CYTH4: variants seen among roughly 807,000 people sequenced by gnomAD.
CYTH4 encodes the protein cytohesin-4.
In CYTH4, 22 loss-of-function variants were observed where a neutral mutation model predicts 57.5. That is an observed-to-expected ratio of 0.38 (90% CI 0.27 to 0.55). The LOEUF is 0.55. Among genes scored for constraint, CYTH4 ranks in the 20% least tolerant of loss-of-function variants. CYTH4 has a pLI of 0.74. For synonymous variants in CYTH4, 186 were observed against 206.5 expected, an observed-to-expected ratio of 0.90 and a Z score of 0.85; for missense variants, 420 against 535.6, an observed-to-expected ratio of 0.78 and a Z score of 2.13.
intron 1 of CYTH4, among the ~76,000 whole-genome samples, chr22:37,291,529 C>T (rs1928747203): frequency 6.6e-6 from 1 of 152,216 alleles, no homozygotes; most frequent in African/African-American, 2.4e-5. Context: ...TCCCAGAGTA[C>T]AGGAGCGGCC....
Position 37,312,166 on chromosome 22 carries a change from G to T in CYTH4, c.1104G>T (p.Glu368Asp). 1.2e-6 allele frequency: 2 copies of T among 1,614,142 alleles called. No individual in the cohort carries two copies. Among genetic ancestry groups the T allele is most frequent in the Non-Finnish European group, 1.7e-6 (2 of 1,179,940 alleles). The change falls in exon 12 of 13, where the codon GAG becomes GAT. Residue 368 changes from glutamate (E) to aspartate (D), a missense_variant. Physicochemically the swap from Glu to Asp is conservative, Grantham distance 45. Transcript: ENST00000248901. ...TSAEERDQWI[E>D]SIRASITRVP... ...CCGAGGAACGTGACCAGTGGATCGA[G>T]TCCATCCGGTAAGGGGTGCCCAGGT... is the stretch of plus-strand genomic sequence containing the variant.
At chr22:37,305,976 A>G (rs562638687) in intron 8 of CYTH4, among the ~76,000 whole-genome samples, 127 of 152,346 alleles carry the variant, frequency 8.3e-4, no homozygotes, top group African/African-American at 2.8e-3. Context: ...GGGTGAAGGC[A>G]CAGTGAGTTC....
At chr22:37,302,911 G>A (rs1195876983) in intron 7 of CYTH4, among the ~76,000 whole-genome samples, 1 of 152,096 alleles carries the variant, frequency 6.6e-6, no homozygotes, top group Non-Finnish European at 1.5e-5. Flanking sequence ...GTGGGCAGGG[G>A]GCTGGAAGGG....
intron 2 of CYTH4, among the ~76,000 whole-genome samples, chr22:37,293,510 A>G (rs1928826053): frequency 6.6e-6 from 1 of 152,194 alleles, no homozygotes; most frequent in Admixed American, 6.5e-5. Flanking sequence ...CTCAGTTAAT[A>G]CTTGCAAATG....
At position 37,292,604 on chromosome 22, in the gene CYTH4, C is replaced by T. The variant is rs1471946623; in HGVS notation, c.20-17C>T. On this transcript the variant is annotated splice_polypyrimidine_tract_variant and intron_variant, in intron 1 of 12. Coordinates refer to ENST00000248901, the MANE Select transcript of CYTH4 (RefSeq NM_013385.5). ...GCTGGAGCCAAGTGATGGGGAAGGCCGGTTGTCTCTCTGTAGAGCCCGCGG... is the reference window on the plus strand; with the variant it reads ...GCTGGAGCCAAGTGATGGGGAAGGCTGGTTGTCTCTCTGTAGAGCCCGCGG... 8.7e-6 allele frequency: 14 copies of T among 1,612,614 alleles called. No individual in the cohort carries two copies. Among genetic ancestry groups the T allele is most frequent in the African/African-American group, 1.3e-5 (1 of 74,908 alleles).
rs1284040430 is a variant in CYTH4 at position 37,303,355 on chromosome 22, A to C, written c.649A>C (p.Asn217His). 1 of 1,614,046 alleles carries C rather than the reference A, an allele frequency of 6.2e-7. No individual in the cohort carries two copies. ...GCCTTTTGAGCGCTTTGTGTCCATG[A>C]ACCGCGGCATCAACAATGGTAGCGA... Reference protein sequence around the residue: ...RPPFERFVSMNRGINNGSDLP... With the variant: ...RPPFERFVSMHRGINNGSDLP... The change falls in exon 8 of 13, where the codon AAC becomes CAC. Residue 217 changes from asparagine (N) to histidine (H), a missense_variant. Physicochemically the swap from Asn to His is moderately conservative, Grantham distance 68. Coordinates refer to ENST00000248901, the MANE Select transcript of CYTH4 (RefSeq NM_013385.5).
rs73884200 is a variant in CYTH4, at chr22:37,286,703, G to C, written c.19+4115G>C. 7.0e-3 allele frequency among the ~76,000 whole-genome samples: 1,059 copies of C among 152,254 alleles called. 10 individuals carry two copies. Among genetic ancestry groups the C allele is most frequent in the African/African-American group, 0.025 (1,020 of 41,524 alleles). On this transcript the variant is annotated intron_variant, in intron 1 of 12. Transcript: ENST00000248901. ...TGGTGCAAAGGCTTTTGGAAGGCTA[G>C]AGCTCAGGGGAGTGAATGAAGGGCA...
intron 1 of CYTH4, among the ~76,000 whole-genome samples, chr22:37,285,650 G>A (rs1166735763): frequency 6.6e-6 from 1 of 152,138 alleles, no homozygotes; most frequent in African/African-American, 2.4e-5. Context: ...GGTGGAGGTT[G>A]CAGTGAGCCG....
Position 37,296,078 on chromosome 22 carries a change from G to GGAGGGC in CYTH4, c.234+14_234+19dup, listed in dbSNP as rs773108934. 16 of 1,610,276 alleles carry GGAGGGC rather than the reference G, an allele frequency of 9.9e-6. No homozygotes were observed. Among genetic ancestry groups the GGAGGGC allele is most frequent in the Non-Finnish European group, 1.3e-5 (15 of 1,178,136 alleles). On this transcript the variant is annotated intron_variant, in intron 4 of 12. Coordinates refer to ENST00000248901, the MANE Select transcript of CYTH4 (RefSeq NM_013385.5). ...GGACCCCGCCAAGGTAGGTGGCTGTGGAGGGCCCGGGCCACAGGGTGTGGG... is the reference window on the plus strand; with the variant it reads ...GGACCCCGCCAAGGTAGGTGGCTGTGGAGGGCGAGGGCCCGGGCCACAGGGTGTGGG...
At chr22:37,288,000 C>G (rs767065009) in intron 1 of CYTH4, among the ~76,000 whole-genome samples, 4 of 152,130 alleles carry the variant, frequency 2.6e-5, no homozygotes, top group Non-Finnish European at 5.9e-5. Flanking sequence ...CAGAGTGGGC[C>G]GGGCACAGTG....
chr22:37,303,746 A>G (rs1929284042), intron 8 of CYTH4, among the ~76,000 whole-genome samples: 1 of 152,138 alleles, frequency 6.6e-6, no homozygotes, highest in Admixed American at 6.5e-5. Context: ...CTTAGAATAG[A>G]GATTCTTAGA....
rs1929764362 is a variant in CYTH4, at chr22:37,314,192, T to C, written c.*681T>C. On this transcript the variant is annotated 3_prime_UTR_variant, in exon 13 of 13. Coordinates refer to ENST00000248901, the MANE Select transcript of CYTH4 (RefSeq NM_013385.5). ...TCTTGCAAAACTGCAGTGTTTGGAC[T>C]AGAAACGTATTGGCCCCTGCTAGCC... 2.5e-6 allele frequency: 1 copy of C among 396,280 alleles called. No individual in the cohort carries two copies. The highest frequency in any genetic ancestry group is 2.1e-5 in the African/African-American group (1 of 48,604). The allele number at this position is 396,280 out of a possible 1,614,324, so 24.5% of individuals were successfully genotyped here.
At chr22:37,302,406 G>A (rs766616090) in intron 7 of CYTH4, among the ~76,000 whole-genome samples, 5 of 152,142 alleles carry the variant, frequency 3.3e-5, no homozygotes, top group Non-Finnish European at 5.9e-5. Context: ...CCTGTGCCTC[G>A]GTTTCCTCAT....
At chr22:37,308,725 T>C (rs1257358654) in intron 8 of CYTH4, among the ~76,000 whole-genome samples, 1 of 151,750 alleles carries the variant, frequency 6.6e-6, no homozygotes, top group Non-Finnish European at 1.5e-5. Context: ...TGTGTGCGTG[T>C]ATGTATGAGT....
chr22:37,309,114 T>G, intron 8 of CYTH4, 98 bp from the exon 9 acceptor site: 1 of 944,994 alleles, frequency 1.1e-6, no homozygotes, highest in East Asian at 2.6e-5. Context: ...TGCCTGCAGG[T>G]GAGTGACCTG....
chr22:37,314,128 C>T lies in CYTH4; in HGVS notation c.*617C>T, dbSNP rs1365533601. The T allele has an allele frequency of 8.0e-6, 3 of 373,396 alleles. No homozygotes were observed. The highest frequency in any genetic ancestry group is 9.5e-6 in the Non-Finnish European group (2 of 210,538). 23.1% of individuals were successfully genotyped at this position (373,396 alleles called of 1,614,324 possible). ...CTCAGTCCCAGCTCTGCCTCTGACT[C>T]GCTGTGTGCCCTCTGCCAAGTCATG... is the stretch of plus-strand genomic sequence containing the variant. On this transcript the variant is annotated 3_prime_UTR_variant, in exon 13 of 13. Transcript: ENST00000248901.
At chr22:37,312,938 C>T (rs545830249) in intron 12 of CYTH4, among the ~76,000 whole-genome samples, 3 of 152,350 alleles carry the variant, frequency 2.0e-5, no homozygotes, top group East Asian at 3.9e-4. Flanking sequence ...GGCCGTGTCC[C>T]GGGGACTTGC....
chr22:37,314,236 C>G lies in CYTH4; in HGVS notation c.*725C>G. 2.5e-6 allele frequency: 1 copy of G among 398,022 alleles called. No individual in the cohort carries two copies. The highest frequency in any genetic ancestry group is 3.6e-5 in the East Asian group (1 of 28,050). The allele number at this position is 398,022 out of a possible 1,614,324, so 24.7% of individuals were successfully genotyped here. A position where few individuals can be genotyped will look rare whatever the true frequency, so the allele number is the denominator to read the frequency against. On this transcript the variant is annotated 3_prime_UTR_variant, in exon 13 of 13. Coordinates refer to ENST00000248901, the MANE Select transcript of CYTH4 (RefSeq NM_013385.5). ...GCTAGCCCTGTGCTCCAGCTTCCAG[C>G]TGGAGATGGCAGCCGTTGTTTGCGG...
At chr22:37,312,586 G>A (rs989382164) in intron 12 of CYTH4, among the ~76,000 whole-genome samples, 5 of 152,186 alleles carry the variant, frequency 3.3e-5, no homozygotes, top group Non-Finnish European at 5.9e-5. Context: ...ACCAGCAGGC[G>A]GCCTACCTGC....
Sources: allele counts gnomAD v4.1 joint callset (sites outside exome capture counted in the v4.1 genomes callset), GRCh38; gene constraint gnomAD v4.1.1; transcripts MANE v1.5; gene names NCBI Gene and HGNC (gene_info 2026-07-23, HGNC 2026-07-21).